Variants in BRCA2 observed in about 807,000 individuals in gnomAD.
The protein encoded by BRCA2 is BRCA2 DNA repair associated, also known as breast cancer type 2 susceptibility protein.
Under a neutral mutation model 276.7 loss-of-function variants are expected in BRCA2, and 203 were observed. The ratio of observed to expected loss-of-function variants is 0.73; its 90% CI spans 0.65 to 0.82. BRCA2 has a LOEUF of 0.82. Among genes scored for constraint, BRCA2 ranks in the 40% least tolerant of loss-of-function variants. The pLI, the probability that BRCA2 is intolerant of heterozygous loss-of-function variation, is 0.00. For synonymous variants in BRCA2, 1,289 were observed against 1,338.4 expected (o/e 0.96, Z 0.81); for missense variants, 3,920 against 3,915.0 (o/e 1.00, Z -0.03).
rs200265692 is a variant in BRCA2, at chr13:32,339,435, A to G, written c.5080A>G (p.Arg1694Gly). 7 of 1,592,394 alleles carry G rather than the reference A, an allele frequency of 4.4e-6. No homozygotes were observed. In the South Asian group the frequency reaches 6.9e-5, roughly 16 times the overall value. The change falls in exon 11 of 27, where the codon AGA (arginine) becomes GGA (glycine). Residue 1694 changes from arginine to glycine, a missense_variant. Transcript: ENST00000380152. The part of the protein sequence containing the change: ...TSLLEAKKWL[R>G]EGIFDGQPER... ...ATTACTTGAAGCAAAAAAATGGCTT[A>G]GAGAAGGAATATTTGATGGTCAACC...
At chr13:32,379,644 T>C in intron 22 of BRCA2, 106 bp from the exon 23 acceptor site, 1 of 1,504,152 alleles carries the variant, frequency 6.6e-7, no homozygotes, top group Non-Finnish European at 9.2e-7. Context: ...CCACTACTAA[T>C]GCCCACAAAG....
rs730881590 is a variant in BRCA2 at position 32,338,669 on chromosome 13, C to A, written c.4314C>A (p.Val1438=). 2 of 1,595,594 alleles carry A rather than the reference C, an allele frequency of 1.3e-6. No individual in the cohort carries two copies. Among genetic ancestry groups the A allele is most frequent in the South Asian group, 2.3e-5 (2 of 88,004 alleles). ...FQTASGKNIS[V]AKESFNKIVN... is the part of the protein sequence containing the mutation. ...CTGCAAGTGGGAAAAATATTAGTGT[C>A]GCCAAAGAGTCATTTAATAAAATTG... is the stretch of plus-strand genomic sequence containing the variant. The change falls in exon 11 of 27, where the codon GTC becomes GTA. Residue 1438 remains valine (V), a synonymous_variant. Coordinates refer to ENST00000380152, the MANE Select transcript of BRCA2 (RefSeq NM_000059.4).
At chr13:32,334,564 C>A (rs2072433979) in intron 10 of BRCA2, among the ~76,000 whole-genome samples, 1 of 151,584 alleles carries the variant, frequency 6.6e-6, no homozygotes, top group South Asian at 2.1e-4. Flanking sequence ...GTTGTAGCTA[C>A]TCAGGATGCT....
intron 16 of BRCA2, among the ~76,000 whole-genome samples, chr13:32,361,200 G>A (rs1254588225): frequency 1.3e-5 from 2 of 152,218 alleles, no homozygotes; most frequent in Non-Finnish European, 2.9e-5. Flanking sequence ...GCAGAATGGG[G>A]TGTTGCATTC....
intron 2 of BRCA2, among the ~76,000 whole-genome samples, chr13:32,317,928 T>C (rs903480532): frequency 6.6e-6 from 1 of 152,266 alleles, no homozygotes; most frequent in African/African-American, 2.4e-5. Context: ...AGTGCTTTTC[T>C]AGGCAGTATT....
intron 24 of BRCA2, among the ~76,000 whole-genome samples, chr13:32,390,379 A>G (rs913032916): frequency 1.3e-5 from 2 of 151,592 alleles, no homozygotes; most frequent in Non-Finnish European, 2.9e-5. Context: ...CAAGGCTAGG[A>G]GTTTGGGACA....
intron 7 of BRCA2, 74 bp downstream of exon 7, chr13:32,326,687 A>T: frequency 8.8e-7 from 1 of 1,136,880 alleles, no homozygotes. Context: ...TACTTCTGTT[A>T]AAAGGAAATA....
chr13:32,356,495 A>G lies in BRCA2; in HGVS notation c.7503A>G (p.Gln2501=), dbSNP rs1057522866. The part of the protein sequence containing the change: ...QDMRIKKKQR[Q]RVFPQPGSLY... ...TGCGAATTAAGAAGAAACAAAGGCAACGCGTCTTTCCACAGCCAGGCAGTC... is the reference window on the plus strand; with the variant it reads ...TGCGAATTAAGAAGAAACAAAGGCAGCGCGTCTTTCCACAGCCAGGCAGTC... Residue 2501 remains glutamine, a synonymous_variant, in exon 15 of 27, where the codon CAA becomes CAG. Transcript: ENST00000380152. The G allele has an allele frequency of 6.2e-7, 1 of 1,614,228 alleles. No individual in the cohort carries two copies. Among genetic ancestry groups the G allele is most frequent in the Non-Finnish European group, 8.5e-7 (1 of 1,180,026 alleles).
Position 32,338,192 on chromosome 13 carries a change from T to C in BRCA2, c.3837T>C (p.Asn1279=), listed in dbSNP as rs1555283421. Residue 1279 remains asparagine (N), a synonymous_variant, in exon 11 of 27, where the codon AAT becomes AAC. Transcript: ENST00000380152. ...CAATGTTTAAGATAGAAAATCATAA[T>C]GATAAAACTGTAAGTGAAAAAAATA... ...VVSMFKIENH[N]DKTVSEKNNK... is the part of the protein sequence containing the mutation. 2 of 1,557,668 alleles carry C rather than the reference T, an allele frequency of 1.3e-6. No individual in the cohort carries two copies. The highest frequency in any genetic ancestry group is 1.7e-6 in the Non-Finnish European group (2 of 1,151,056).
At chr13:32,331,221 A>G (rs2072389494) in intron 9 of BRCA2, among the ~76,000 whole-genome samples, 191 bp downstream of exon 9, 1 of 151,604 alleles carries the variant, frequency 6.6e-6, no homozygotes, top group East Asian at 1.9e-4. Context: ...ATGCCCAACT[A>G]TTGTATTTTT....
chr13:32,321,642 C>T lies in BRCA2; in HGVS notation c.316+2317C>T, dbSNP rs545166078. Among the ~76,000 whole-genome samples the T allele has an allele frequency of 4.7e-4, 71 of 152,304 alleles. 1 individual carries two copies. The highest frequency in any genetic ancestry group is 1.6e-3 in the African/African-American group (68 of 41,560). ...AATACATAAATCTGCTGACTAGTCT[C>T]TTGAGACCTTTTGCTTTTACGTTTA... On this transcript the variant is annotated intron_variant, in intron 3 of 26. Coordinates refer to ENST00000380152, the MANE Select transcript of BRCA2 (RefSeq NM_000059.4).
chr13:32,346,217 A>G (rs1285107233), intron 12 of BRCA2, among the ~76,000 whole-genome samples: 1 of 151,978 alleles, frequency 6.6e-6, no homozygotes, highest in African/African-American at 2.4e-5. Flanking sequence ...AATAAAAATA[A>G]GCAAATACAT....
Position 32,337,482 on chromosome 13 carries a change from G to T in BRCA2, c.3127G>T (p.Ala1043Ser), listed in dbSNP as rs1455903281. The change falls in exon 11 of 27, where the codon GCT becomes TCT. Residue 1043 changes from alanine (A) to serine (S), a missense_variant. This residue lies in a region of BRCA2 where 3,263 missense variants were observed against 3,156.9 expected (regional missense o/e 1.03). Coordinates refer to ENST00000380152, the MANE Select transcript of BRCA2 (RefSeq NM_000059.4). ...DIEEQYPTSL[A>S]CVEIVNTLAL... ...TGAAGAACAATATCCTACTAGTTTA[G>T]CTTGTGTTGAAATTGTAAATACCTT... 1.2e-6 allele frequency: 2 copies of T among 1,609,800 alleles called. No individual in the cohort carries two copies. Among genetic ancestry groups the T allele is most frequent in the Admixed American group, 3.4e-5 (2 of 59,406 alleles).
chr13:32,332,005 T>G (rs1282118775), intron 9 of BRCA2, among the ~76,000 whole-genome samples: 1 of 152,156 alleles, frequency 6.6e-6, no homozygotes, highest in African/African-American at 2.4e-5. Flanking sequence ...TGTGTAGAAC[T>G]GCTAAAGAAA....
intron 5 of BRCA2, 40 bp downstream of exon 5, chr13:32,326,190 G>T (rs745653804): frequency 6.2e-7 from 1 of 1,607,798 alleles, no homozygotes; most frequent in Non-Finnish European, 8.5e-7. Flanking sequence ...TAGAATACTA[G>T]AAATGTTAAT....
intron 8 of BRCA2, 39 bp downstream of exon 8, chr13:32,329,531 T>A (rs2137458733): frequency 6.7e-7 from 1 of 1,492,862 alleles, no homozygotes; most frequent in Non-Finnish European, 9.3e-7. Context: ...TTGAAATTGC[T>A]AACAATTTTG....
In BRCA2 at chr13:32,362,456, TGTA is replaced by T. The variant is rs1045408660; in HGVS notation, c.7806-64_7806-62del. The T allele has an allele frequency of 4.3e-4, 612 of 1,427,742 alleles. 2 individuals carry two copies. In the Admixed American group the frequency reaches 0.01, roughly 24 times the overall value. 88.4% of individuals were successfully genotyped at this position (1,427,742 alleles called of 1,614,324 possible). ...ATGTAGTTTTTGTACAGAGAATAGT[TGTA>T]GTTGTTGAATTCAGTATCATCCTAT... On this transcript the variant is annotated intron_variant, in intron 16 of 26. Coordinates refer to ENST00000380152, the MANE Select transcript of BRCA2 (RefSeq NM_000059.4).
At chr13:32,357,078 C>T (rs1410420624) in intron 15 of BRCA2, among the ~76,000 whole-genome samples, 1 of 152,178 alleles carries the variant, frequency 6.6e-6, no homozygotes, top group Non-Finnish European at 1.5e-5. Flanking sequence ...GTGTAAGATG[C>T]TCTTCTAAGC....
At chr13:32,375,243 C>T (rs536264714) in intron 20 of BRCA2, 1 of 342,446 alleles carries the variant, frequency 2.9e-6, no homozygotes, top group African/African-American at 2.1e-5. Flanking sequence ...TATGAAGCTC[C>T]TTATCATTTA....
Sources: allele counts gnomAD v4.1 joint callset (sites outside exome capture counted in the v4.1 genomes callset), GRCh38; gene constraint gnomAD v4.1.1; regional missense constraint gnomAD v4.1.1; transcripts MANE v1.5; gene names NCBI Gene and HGNC (gene_info 2026-07-23, HGNC 2026-07-21).